Variants in ME1 observed in about 807,000 individuals in gnomAD.
ME1 encodes NADP-dependent malic enzyme.
In ME1, 74 loss-of-function variants were observed where a neutral mutation model predicts 66.4. That is an observed-to-expected ratio of 1.11 (90% CI 0.92 to 1.35). The LOEUF (loss-of-function observed/expected upper bound fraction) is 1.35. ME1 is among the 40% of genes most tolerant of loss of function. ME1 has a pLI of 0.00. For synonymous variants in ME1, 251 were observed against 235.6 expected (o/e 1.07, Z -0.60); for missense variants, 750 against 694.1 (o/e 1.08, Z -0.90).
chr6:83,253,536 C>T, intron 7 of ME1, 93 bp downstream of exon 7: 1 of 623,052 alleles, frequency 1.6e-6, no homozygotes, highest in Non-Finnish European at 2.9e-6. Flanking sequence ...TTAAAAGGTA[C>T]TCAGTATATA....
At chr6:83,296,030 C>A (rs1049050301) in intron 6 of ME1, among the ~76,000 whole-genome samples, 1 of 152,018 alleles carries the variant, frequency 6.6e-6, no homozygotes, top group African/African-American at 2.4e-5. Flanking sequence ...TAATAAATAG[C>A]CTATCACCCC....
At chr6:83,425,730 G>A (rs1019232778) in intron 1 of ME1, among the ~76,000 whole-genome samples, 3 of 152,136 alleles carry the variant, frequency 2.0e-5, no homozygotes, top group African/African-American at 4.8e-5. Context: ...TATTTTTGCC[G>A]ATGTTCTTAC....
At chr6:83,342,114 C>T (rs531157070) in intron 5 of ME1, among the ~76,000 whole-genome samples, 1 of 152,222 alleles carries the variant, frequency 6.6e-6, no homozygotes, top group South Asian at 2.1e-4. Context: ...TTTCTGCAAC[C>T]AATCAGACTG....
intron 3 of ME1, among the ~76,000 whole-genome samples, chr6:83,380,985 T>TA (rs1769384377): frequency 6.6e-6 from 1 of 151,904 alleles, no homozygotes; most frequent in African/African-American, 2.4e-5. Flanking sequence ...TTCATGGAAA[T>TA]AAAAAGCTGA....
chr6:83,430,700 C>T (rs1770468645), intron 1 of ME1, among the ~76,000 whole-genome samples, 177 bp downstream of exon 1: 1 of 152,244 alleles, frequency 6.6e-6, no homozygotes, highest in Admixed American at 6.5e-5. Context: ...GATACGGACC[C>T]GATTAGGCGT....
intron 6 of ME1, among the ~76,000 whole-genome samples, chr6:83,278,409 G>A (rs148798155): frequency 1.0e-3 from 156 of 152,258 alleles, no homozygotes; most frequent in African/African-American, 3.6e-3. Flanking sequence ...TCCAGCAAGC[G>A]GGGAGAGAAT....
At chr6:83,248,672 T>C (rs1790666590) in intron 7 of ME1, among the ~76,000 whole-genome samples, 3 of 152,170 alleles carry the variant, frequency 2.0e-5, no homozygotes, top group Admixed American at 2.0e-4. Context: ...GTTTTATAAG[T>C]GTTTGGAAGT....
intron 3 of ME1, among the ~76,000 whole-genome samples, chr6:83,387,173 C>A (rs573708202): frequency 6.6e-6 from 1 of 151,986 alleles, no homozygotes; most frequent in African/African-American, 2.4e-5. Flanking sequence ...GCAAAATTAC[C>A]ATACCATACA....
chr6:83,229,034 T>A, intron 9 of ME1, 103 bp from the exon 10 acceptor site: 1 of 726,244 alleles, frequency 1.4e-6, no homozygotes, highest in Non-Finnish European at 2.4e-6. Flanking sequence ...CATTTTTATG[T>A]ATGATGTGTT....
chr6:83,421,960 G>A (rs1770276984), intron 1 of ME1, among the ~76,000 whole-genome samples: 1 of 152,106 alleles, frequency 6.6e-6, no homozygotes, highest in Non-Finnish European at 1.5e-5. Flanking sequence ...GGCATCAGAT[G>A]CAAATAAATC....
intron 9 of ME1, among the ~76,000 whole-genome samples, chr6:83,237,060 A>G (rs1023888725): frequency 6.6e-6 from 1 of 150,646 alleles, no homozygotes; most frequent in African/African-American, 2.5e-5. Context: ...TTAGCCGGAT[A>G]TGGCGGCCTG....
intron 5 of ME1, among the ~76,000 whole-genome samples, chr6:83,334,223 G>A (rs529134180): frequency 7.4e-5 from 11 of 148,066 alleles, no homozygotes; most frequent in Non-Finnish European, 1.5e-4. Context: ...CTGGAAAATC[G>A]GGTCACTCCC....
chr6:83,266,737 C>G (rs1443991234), intron 6 of ME1, among the ~76,000 whole-genome samples: 1 of 152,118 alleles, frequency 6.6e-6, no homozygotes, highest in African/African-American at 2.4e-5. Flanking sequence ...GGTATGGGTG[C>G]AATTACCTGC....
chr6:83,228,725 T>C lies in ME1; in HGVS notation c.1132+101A>G, dbSNP rs990826924. ...TCGCTTGAGCGAACGTGTAGTTTTT[T>C]GAATTCAAAAAGGCTAAATTATACC... On this transcript the variant is annotated intron_variant, in intron 10 of 13. Coordinates refer to ENST00000369705, the MANE Select transcript of ME1 (RefSeq NM_002395.6). The C allele has an allele frequency of 5.1e-6, 4 of 790,692 alleles. No homozygotes were observed. The South Asian group carries it at 6.9e-5, about 14-fold the overall frequency. The allele number at this position is 790,692 out of a possible 1,614,324, so 49.0% of individuals were successfully genotyped here.
chr6:83,420,364 A>C (rs1367875808), intron 1 of ME1, among the ~76,000 whole-genome samples: 1 of 152,138 alleles, frequency 6.6e-6, no homozygotes, highest in Non-Finnish European at 1.5e-5. Context: ...CACTGCGCCC[A>C]GTCTGTAGGT....
intron 4 of ME1, among the ~76,000 whole-genome samples, chr6:83,347,203 C>T (rs1181531193): frequency 2.0e-5 from 3 of 152,190 alleles, no homozygotes; most frequent in Admixed American, 2.0e-4. Context: ...CCACCCGTCT[C>T]AGCCTTCCAA....
chr6:83,308,814 TA>T (rs1448083522), intron 6 of ME1, among the ~76,000 whole-genome samples: 1 of 151,856 alleles, frequency 6.6e-6, no homozygotes, highest in African/African-American at 2.4e-5. Context: ...CAGATATTTA[TA>T]AATGTATGAA....
At chr6:83,283,794 C>A (rs1767350397) in intron 6 of ME1, among the ~76,000 whole-genome samples, 1 of 152,040 alleles carries the variant, frequency 6.6e-6, no homozygotes, top group Admixed American at 6.6e-5. Context: ...GGAAAGATCT[C>A]AAATTAACAA....
At chr6:83,293,497 T>C (rs1767541336) in intron 6 of ME1, among the ~76,000 whole-genome samples, 1 of 152,218 alleles carries the variant, frequency 6.6e-6, no homozygotes, top group Non-Finnish European at 1.5e-5. Flanking sequence ...AGATATTGCA[T>C]ATGTGTGAAA....
Sources: gnomAD v4.1 joint callset for allele counts (sites outside exome capture counted in the v4.1 genomes callset) on GRCh38, gnomAD v4.1.1 for gene constraint, MANE v1.5 for transcripts, NCBI Gene and HGNC (gene_info 2026-07-23, HGNC 2026-07-21) for gene names.